The following TNFAIP1 variants were observed in gnomAD, a reference collection of about 807,000 sequenced individuals.
The protein encoded by TNFAIP1 is TNF alpha induced protein 1.
Under a neutral mutation model 32.6 loss-of-function variants are expected in TNFAIP1, and 20 were observed. The ratio of observed to expected loss-of-function variants is 0.61; its 90% CI spans 0.43 to 0.89. The LOEUF (loss-of-function observed/expected upper bound fraction) is 0.89, where lower values mean the gene tolerates loss of function less well. TNFAIP1 is among the 40% of genes least tolerant of loss of function. TNFAIP1 has a pLI of 0.00. For missense variants in TNFAIP1, 319 were observed against 425.1 expected, an observed-to-expected ratio of 0.75 and a Z score of 2.20; for synonymous variants, 166 against 166.8, an observed-to-expected ratio of 1.00 and a Z score of 0.04.
intron 3 of TNFAIP1, 74 bp from the exon 4 acceptor site, chr17:28,341,163 G>A: frequency 6.5e-7 from 1 of 1,532,210 alleles, no homozygotes. Context: ...TGGCAGAGGG[G>A]CTCCAGAGGT....
In TNFAIP1 at chr17:28,346,635, A is replaced by G. The variant is rs562555076; in HGVS notation, c.*2035A>G. ...TACTAACATTGAACTCACTGACATGATCTTAGCTTCTTTAATCAGACTTTG... is the reference window on the plus strand; with the variant it reads ...TACTAACATTGAACTCACTGACATGGTCTTAGCTTCTTTAATCAGACTTTG... On this transcript the variant is annotated 3_prime_UTR_variant, in exon 7 of 7. Coordinates refer to ENST00000226225, the MANE Select transcript of TNFAIP1 (RefSeq NM_021137.5). 1 of 152,332 alleles carries G rather than the reference A, an allele frequency of 6.6e-6. No homozygotes were observed. Among genetic ancestry groups the G allele is most frequent in the East Asian group, 1.9e-4 (1 of 5,192 alleles). 9.4% of individuals were successfully genotyped at this position (152,332 alleles called of 1,614,324 possible). A position where few individuals can be genotyped will look rare whatever the true frequency, so the allele number is the denominator to read the frequency against.
chr17:28,342,987 C>A lies in TNFAIP1; in HGVS notation c.714+545C>A, dbSNP rs1907420297. Among the ~76,000 whole-genome samples the A allele has an allele frequency of 6.6e-6, 1 of 152,082 alleles. No homozygotes were observed. Among genetic ancestry groups the A allele is most frequent in the Non-Finnish European group, 1.5e-5 (1 of 68,028 alleles). On this transcript the variant is annotated intron_variant, in intron 6 of 6. Coordinates refer to ENST00000226225, the MANE Select transcript of TNFAIP1 (RefSeq NM_021137.5). The surrounding 1 kb of genome is among the most constrained non-coding windows in gnomAD (Gnocchi z 4.0). Reference sequence around the variant, plus strand: ...CCCAGGAGTTCAAGACCACCCTGGACAACATGGTGAAACCCCGTCTTTACA... The same window carrying A: ...CCCAGGAGTTCAAGACCACCCTGGAAAACATGGTGAAACCCCGTCTTTACA...
chr17:28,344,630 G>A lies in TNFAIP1; in HGVS notation c.*30G>A, dbSNP rs1907483261. ...ACCCTCAGGGAGTCAGGGCACGGGA[G>A]GCCCTATCTCCCATCCTGTGGAACC... On this transcript the variant is annotated 3_prime_UTR_variant, in exon 7 of 7. Transcript: ENST00000226225. 2 of 1,600,634 alleles carry A rather than the reference G, an allele frequency of 1.2e-6. No individual in the cohort carries two copies. Among genetic ancestry groups the A allele is most frequent in the Non-Finnish European group, 1.7e-6 (2 of 1,173,704 alleles).
At position 28,344,498 on chromosome 17, in the gene TNFAIP1, G is replaced by C. The variant is rs782625496; in HGVS notation, c.849G>C (p.Glu283Asp). Residue 283 changes from glutamate (E) to aspartate (D), a missense_variant, in exon 7 of 7, where the codon GAG becomes GAC. Glu to Asp is a conservative substitution (Grantham distance 45). Coordinates refer to ENST00000226225, the MANE Select transcript of TNFAIP1 (RefSeq NM_021137.5). ...SRSQASPSED[E>D]ETFELRDRVR... ...GCCAGGCTTCCCCCAGTGAAGATGAGGAGACCTTTGAACTGCGGGACCGTG... is the reference window on the plus strand; with the variant it reads ...GCCAGGCTTCCCCCAGTGAAGATGACGAGACCTTTGAACTGCGGGACCGTG... 1 of 1,614,004 alleles carries C rather than the reference G, an allele frequency of 6.2e-7. No individual in the cohort carries two copies. Among genetic ancestry groups the C allele is most frequent in the South Asian group, 1.1e-5 (1 of 91,080 alleles).
At chr17:28,343,266 A>C (rs1036300684) in intron 6 of TNFAIP1, among the ~76,000 whole-genome samples, 2 of 152,094 alleles carry the variant, frequency 1.3e-5, no homozygotes, top group African/African-American at 2.4e-5. Flanking sequence ...GTCATCACAA[A>C]CTCAGGTGGC....
chr17:28,340,111 G>T lies in TNFAIP1; in HGVS notation c.206-198G>T, dbSNP rs894685292. Among the ~76,000 whole-genome samples, 3 of 152,114 alleles carry T rather than the reference G, an allele frequency of 2.0e-5. No individual in the cohort carries two copies. In the East Asian group the frequency reaches 5.8e-4, roughly 29 times the overall value. On this transcript the variant is annotated intron_variant, in intron 2 of 6. Transcript: ENST00000226225. This position sits in a 1 kb window ranked among gnomAD's most constrained non-coding sequence, Gnocchi z 4.1. ...CCCCCGTGGGATGTGCCAGTTCTGG[G>T]TTTCAGAGAGGAAGGGTGAAGAGCA...
chr17:28,341,979 G>GT (rs1907377267), intron 5 of TNFAIP1, among the ~76,000 whole-genome samples: 1 of 152,186 alleles, frequency 6.6e-6, no homozygotes, highest in Admixed American at 6.5e-5. Context: ...TAGCAGCCTT[G>GT]TCTCCTTCCT....
chr17:28,344,390 T>C lies in TNFAIP1; in HGVS notation c.741T>C (p.Tyr247=), dbSNP rs782649372. The change falls in exon 7 of 7, where the codon TAT becomes TAC. Residue 247 remains tyrosine, a synonymous_variant. Transcript: ENST00000226225. The part of the protein sequence containing the change: ...TKVEFPEARI[Y]EETLNVLLYE... ...TGGAATTCCCAGAGGCCCGAATCTATGAGGAGACACTCAACGTCCTACTCT... is the reference window on the plus strand; with the variant it reads ...TGGAATTCCCAGAGGCCCGAATCTACGAGGAGACACTCAACGTCCTACTCT... The C allele has an allele frequency of 3.1e-6, 5 of 1,613,680 alleles. No individual in the cohort carries two copies. In the African/African-American group the frequency reaches 5.3e-5, roughly 17 times the overall value.
intron 1 of TNFAIP1, among the ~76,000 whole-genome samples, chr17:28,336,275 C>G (rs1228819747): frequency 6.6e-6 from 1 of 152,168 alleles, no homozygotes; most frequent in African/African-American, 2.4e-5. Flanking sequence ...TTGCGTGAGC[C>G]ACGGATCCGC....
rs782789860 is a variant in TNFAIP1 at position 28,340,381 on chromosome 17, C to A, written c.278C>A (p.Thr93Asn). Residue 93 changes from threonine to asparagine, a missense_variant, in exon 3 of 7, where the codon ACC becomes AAC. Physicochemically the swap from Thr to Asn is moderately conservative, Grantham distance 65 (BLOSUM62 0). Coordinates refer to ENST00000226225, the MANE Select transcript of TNFAIP1 (RefSeq NM_021137.5). This position sits in a 1 kb window ranked among gnomAD's most constrained non-coding sequence, Gnocchi z 4.1. ...AATTACCTCCGAGATGACACCATCA[C>A]CCTCCCTCAGAACCGGCAAGAAATC... is the stretch of plus-strand genomic sequence containing the variant. The part of the protein sequence containing the change: ...ILNYLRDDTI[T>N]LPQNRQEIKE... The A allele has an allele frequency of 1.1e-5, 18 of 1,614,024 alleles. No homozygotes were observed. The East Asian group carries it at 3.3e-4, about 30-fold the overall frequency.
In TNFAIP1 at chr17:28,344,379, G is replaced by T; in HGVS notation, c.730G>T (p.Ala244Ser). The T allele has an allele frequency of 6.2e-7, 1 of 1,613,454 alleles. No individual in the cohort carries two copies. Among genetic ancestry groups the T allele is most frequent in the Non-Finnish European group, 8.5e-7 (1 of 1,179,886 alleles). Residue 244 changes from alanine to serine, a missense_variant, in exon 7 of 7, where the codon GCC becomes TCC. Physicochemically the swap from Ala to Ser is moderately conservative, Grantham distance 99. Coordinates refer to ENST00000226225, the MANE Select transcript of TNFAIP1 (RefSeq NM_021137.5). The part of the protein sequence containing the change: ...KKQTKVEFPE[A>S]RIYEETLNVL... ...CTAACCCCAGGTGGAATTCCCAGAG[G>T]CCCGAATCTATGAGGAGACACTCAA...
At position 28,344,608 on chromosome 17, in the gene TNFAIP1, C is replaced by G; in HGVS notation, c.*8C>G. ...TCTACCCATCGCGACTGACCAGACC[C>G]TCAGGGAGTCAGGGCACGGGAGGCC... On this transcript the variant is annotated 3_prime_UTR_variant, in exon 7 of 7. Transcript: ENST00000226225. 6.2e-7 allele frequency: 1 copy of G among 1,610,756 alleles called. No homozygotes were observed.
chr17:28,339,286 T>A (rs1374264844), intron 1 of TNFAIP1, 122 bp from the exon 2 acceptor site: 2 of 359,748 alleles, frequency 5.6e-6, no homozygotes, highest in Admixed American at 9.2e-5. Flanking sequence ...GGACTTAGCC[T>A]CTGCCAGGGA....
rs781971225 is a variant in TNFAIP1, at chr17:28,339,594, T to C, written c.73T>C (p.Leu25=). The C allele has an allele frequency of 3.1e-6, 5 of 1,613,550 alleles. No homozygotes were observed. Among genetic ancestry groups the C allele is most frequent in the South Asian group, 2.2e-5 (2 of 91,048 alleles). ...GCTCAGTGGCTTCAAGGGAGGAGGG[T>C]TGGGCAACAAGTATGTCCAGCTCAA... The part of the protein sequence containing the change: ...PKLSGFKGGG[L]GNKYVQLNVG... Residue 25 remains leucine, a synonymous_variant, in exon 2 of 7, where the codon TTG becomes CTG. Transcript: ENST00000226225.
Position 28,340,041 on chromosome 17 carries a change from C to T in TNFAIP1, c.206-268C>T, listed in dbSNP as rs546761074. Among the ~76,000 whole-genome samples the T allele has an allele frequency of 8.8e-4, 134 of 152,292 alleles. No homozygotes were observed. The highest frequency in any genetic ancestry group is 3.1e-3 in the African/African-American group (129 of 41,564). ...TTCTGTGTTGGGCTGGGCCTGGTAC[C>T]CTGAGCCTAGGCCCCTGTGGCTTCT... is the stretch of plus-strand genomic sequence containing the variant. On this transcript the variant is annotated intron_variant, in intron 2 of 6. Transcript: ENST00000226225. This position sits in a 1 kb window ranked among gnomAD's most constrained non-coding sequence, Gnocchi z 4.1.
intron 6 of TNFAIP1, 117 bp from the exon 7 acceptor site, chr17:28,344,247 C>G (rs1907463969): frequency 2.3e-6 from 2 of 886,992 alleles, no homozygotes; most frequent in South Asian, 3.0e-5. Context: ...AGACGGACCG[C>G]CACCTGTTTT....
rs782502673 is a variant in TNFAIP1 at position 28,341,258 on chromosome 17, C to G, written c.397C>G (p.Pro133Ala). The G allele has an allele frequency of 1.0e-4, 167 of 1,614,090 alleles. 2 individuals are homozygous for G. The South Asian group carries it at 1.6e-3, about 16-fold the overall frequency. Reference sequence around the variant, plus strand: ...ACAGGACAAGAAGGACTCCTACCAGCCTGTGTGCAACATCCCCATCATCAC... The same window carrying G: ...ACAGGACAAGAAGGACTCCTACCAGGCTGTGTGCAACATCCCCATCATCAC... ...ALQDKKDSYQ[P>A]VCNIPIITSL... The change falls in exon 4 of 7, where the codon CCT (proline) becomes GCT (alanine). Residue 133 changes from proline to alanine, a missense_variant. By Grantham distance (27) the Pro-to-Ala change is conservative. Coordinates refer to ENST00000226225, the MANE Select transcript of TNFAIP1 (RefSeq NM_021137.5).
intron 1 of TNFAIP1, among the ~76,000 whole-genome samples, chr17:28,336,231 GC>G (rs1555577415): frequency 6.6e-6 from 1 of 152,194 alleles, no homozygotes; most frequent in African/African-American, 2.4e-5. Context: ...GCGGCTGTTT[GC>G]CCTTTGTTGT....
rs572196705 is a variant in TNFAIP1, at chr17:28,342,498, G to A, written c.714+56G>A. On this transcript the variant is annotated intron_variant, in intron 6 of 6. Transcript: ENST00000226225. This position sits in a 1 kb window ranked among gnomAD's most constrained non-coding sequence, Gnocchi z 4.0. ...GAGGACACACACCCACTGTGCGGGG[G>A]ACGTGGTCGGGCTGTGACCAGCACG... 1.3e-5 allele frequency: 19 copies of A among 1,501,490 alleles called. No individual in the cohort carries two copies. In the South Asian group the frequency reaches 2.3e-4, roughly 18 times the overall value. 93.0% of individuals were successfully genotyped at this position (1,501,490 alleles called of 1,614,324 possible).
Sources: allele counts gnomAD v4.1 joint callset (sites outside exome capture counted in the v4.1 genomes callset), GRCh38; gene constraint gnomAD v4.1.1; non-coding constraint Gnocchi (gnomAD v3.1); transcripts MANE v1.5; gene names NCBI Gene and HGNC (gene_info 2026-07-23, HGNC 2026-07-21).